The following ZPBP2 variants were observed in gnomAD, a reference collection of about 807,000 sequenced individuals.
ZPBP2 encodes the protein zona pellucida binding protein 2.
In ZPBP2, 34 loss-of-function variants were observed where a neutral mutation model predicts 37.5. That is an observed-to-expected ratio of 0.91 (90% CI 0.69 to 1.21). The LOEUF (loss-of-function observed/expected upper bound fraction) is 1.21. Among genes scored for constraint, ZPBP2 ranks in the 50% most tolerant of loss-of-function variants. ZPBP2 has a pLI of 0.00. For synonymous variants in ZPBP2, 143 were observed against 138.4 expected (o/e 1.03, Z -0.23); for missense variants, 397 against 413.5 (o/e 0.96, Z 0.35).
chr17:39,869,405 C>CCTTT (rs1555647284), intron 2 of ZPBP2, among the ~76,000 whole-genome samples: 3 of 115,134 alleles, frequency 2.6e-5, no homozygotes, highest in East Asian at 2.3e-4. Flanking sequence ...TTCCTTCCTT[C>CCTTT]TTTTTTTTTT....
In ZPBP2 at chr17:39,877,178, A is replaced by T. The variant is rs1221505543; in HGVS notation, c.*369A>T. On this transcript the variant is annotated 3_prime_UTR_variant, in exon 8 of 8. Coordinates refer to ENST00000348931, the MANE Select transcript of ZPBP2 (RefSeq NM_199321.3). ...ATTTGTTTGGAATCACTCTTGTGTG[A>T]TATAAAGGCGTGTATATTATCTTTG... 1 of 160,648 alleles carries T rather than the reference A, an allele frequency of 6.2e-6. No individual in the cohort carries two copies. The highest frequency in any genetic ancestry group is 1.4e-5 in the Non-Finnish European group (1 of 72,612). 10.0% of individuals were successfully genotyped at this position (160,648 alleles called of 1,614,324 possible).
rs371561983 is a variant in ZPBP2 at position 39,873,070 on chromosome 17, G to T, written c.652G>T (p.Gly218Cys). The change falls in exon 6 of 8, where the codon GGT becomes TGT. Residue 218 changes from glycine to cysteine, a missense_variant. By Grantham distance (159) the Gly-to-Cys change is radical (BLOSUM62 -3). Coordinates refer to ENST00000348931, the MANE Select transcript of ZPBP2 (RefSeq NM_199321.3). ...TAATCCTTTTGCGCCGGGGTGGAAA[G>T]GTGCTTGCAATGGATCTGTTGACTG... The part of the protein sequence containing the change: ...QVNPFAPGWK[G>C]ACNGSVDCED... The T allele has an allele frequency of 8.1e-6, 13 of 1,612,056 alleles. No individual in the cohort carries two copies. Among genetic ancestry groups the T allele is most frequent in the Non-Finnish European group, 1.1e-5 (13 of 1,179,172 alleles).
Position 39,875,830 on chromosome 17 carries a change from C to A in ZPBP2, c.889+396C>A, listed in dbSNP as rs2063387314. Among the ~76,000 whole-genome samples the A allele has an allele frequency of 2.0e-5, 3 of 149,458 alleles. No individual in the cohort carries two copies. In the Admixed American group the frequency reaches 2.0e-4, roughly 10 times the overall value. On this transcript the variant is annotated intron_variant, in intron 7 of 7. Coordinates refer to ENST00000348931, the MANE Select transcript of ZPBP2 (RefSeq NM_199321.3). ...CTCCTGACCTCAAAGGATCCGTCTG[C>A]CTTGGCTTCCGAAAGTGCTGGGATT... is the stretch of plus-strand genomic sequence containing the variant.
At chr17:39,873,195 C>G in intron 6 of ZPBP2, 69 bp downstream of exon 6, 1 of 1,468,226 alleles carries the variant, frequency 6.8e-7, no homozygotes, top group South Asian at 1.3e-5. Flanking sequence ...GTCACCCAGG[C>G]TGGAGTGCAG....
intron 2 of ZPBP2, among the ~76,000 whole-genome samples, chr17:39,869,881 T>G (rs1160236995): frequency 1.3e-5 from 2 of 150,884 alleles, no homozygotes; most frequent in Non-Finnish European, 3.0e-5. Flanking sequence ...CCTGGCAAAT[T>G]TTTTTGTATT....
At chr17:39,873,219 G>A in intron 6 of ZPBP2, 93 bp downstream of exon 6, 1 of 1,033,902 alleles carries the variant, frequency 9.7e-7, no homozygotes. Flanking sequence ...TGCGACCATA[G>A]CTCACTGCAG....
chr17:39,874,229 G>A (rs2063379092), intron 6 of ZPBP2, among the ~76,000 whole-genome samples: 1 of 151,968 alleles, frequency 6.6e-6, no homozygotes, highest in East Asian at 1.9e-4. Flanking sequence ...CTGACCTCAA[G>A]TCATCTGCAC....
Position 39,872,339 on chromosome 17 carries a change from AC to A in ZPBP2, c.477del (p.Tyr159Ter), listed in dbSNP as rs2063368902. On this transcript the variant is annotated frameshift_variant, in exon 5 of 8. Transcript: ENST00000348931. LOFTEE classifies it high-confidence loss of function. ...ACCACAAGGTCTTGTATAGGGAGAT[AC>A]AATGATGTATTCTTTAGAGTGCTGA... ...RFTTRSCIGR[Y>X]NDVFFRVLKK... The A allele has an allele frequency of 6.2e-7, 1 of 1,613,528 alleles. No homozygotes were observed. Among genetic ancestry groups the A allele is most frequent in the Non-Finnish European group, 8.5e-7 (1 of 1,179,752 alleles).
chr17:39,871,496 C>G lies in ZPBP2; in HGVS notation c.277C>G (p.Gln93Glu), dbSNP rs377545293. The G allele has an allele frequency of 3.7e-5, 59 of 1,600,842 alleles. No individual in the cohort carries two copies. Among genetic ancestry groups the G allele is most frequent in the Middle Eastern group, 1.7e-4 (1 of 5,960 alleles). The change falls in exon 4 of 8, where the codon CAG (glutamine) becomes GAG (glutamate). Residue 93 changes from glutamine to glutamate, a missense_variant. Transcript: ENST00000348931. ...TAGAATAAATATAACTGAAACTGGA[C>G]AGCTGATGGTGAAAGATTTTTTGGA... ...NNRINITETGQLMVKDFLEPL... is the reference protein window; with the variant it reads ...NNRINITETGELMVKDFLEPL...
chr17:39,873,114 T>G lies in ZPBP2; in HGVS notation c.696T>G (p.His232Gln). The change falls in exon 6 of 8, where the codon CAT becomes CAG. Residue 232 changes from histidine to glutamine, a missense_variant. Coordinates refer to ENST00000348931, the MANE Select transcript of ZPBP2 (RefSeq NM_199321.3). ...GSVDCEDTTN[H>Q]NILQARDRIE... ...TTGACTGTGAAGATACCACTAATCA[T>G]AATATCCTCCAGGTGAGAATTTCAT... The G allele has an allele frequency of 6.2e-7, 1 of 1,609,276 alleles. No individual in the cohort carries two copies. The highest frequency in any genetic ancestry group is 8.5e-7 in the Non-Finnish European group (1 of 1,178,200).
intron 7 of ZPBP2, among the ~76,000 whole-genome samples, chr17:39,875,659 C>T (rs560779994): frequency 4.0e-5 from 6 of 150,272 alleles, no homozygotes; most frequent in South Asian, 2.1e-4. Context: ...AGTGCAGTGG[C>T]GTCATCTGAG....
intron 7 of ZPBP2, among the ~76,000 whole-genome samples, chr17:39,875,883 CTTTTTTTTTTTTT>C (rs34192567): frequency 9.4e-5 from 6 of 63,770 alleles, no homozygotes; most frequent in African/African-American, 2.1e-4. Context: ...TGCTTGGCCC[CTTTTTTTTTTTTT>C]TTTTTTTTTT....
At position 39,876,870 on chromosome 17, in the gene ZPBP2, A is replaced by G. The variant is rs1183104256; in HGVS notation, c.*61A>G. 1.9e-6 allele frequency: 3 copies of G among 1,597,452 alleles called. No homozygotes were observed. The highest frequency in any genetic ancestry group is 2.3e-5 in the East Asian group (1 of 44,336). Reference sequence around the variant, plus strand: ...GGACATAAGATGATTTTCACATCCCAGAGCATCATAGATAGTTCCATTAAG... The same window carrying G: ...GGACATAAGATGATTTTCACATCCCGGAGCATCATAGATAGTTCCATTAAG... On this transcript the variant is annotated 3_prime_UTR_variant, in exon 8 of 8. Coordinates refer to ENST00000348931, the MANE Select transcript of ZPBP2 (RefSeq NM_199321.3).
chr17:39,873,408 A>G (rs1798017028), intron 6 of ZPBP2, among the ~76,000 whole-genome samples: 1 of 152,238 alleles, frequency 6.6e-6, no homozygotes, highest in African/African-American at 2.4e-5. Flanking sequence ...CTAAGGAGGA[A>G]AAATTATTTT....
chr17:39,872,187 C>A, intron 4 of ZPBP2, 83 bp from the exon 5 acceptor site: 1 of 1,042,892 alleles, frequency 9.6e-7, no homozygotes, highest in Non-Finnish European at 1.4e-6. Context: ...TTTAGTATTA[C>A]ATAGTATTTG....
intron 4 of ZPBP2, 37 bp from the exon 5 acceptor site, chr17:39,872,233 G>A (rs1279240834): frequency 6.6e-6 from 10 of 1,505,218 alleles, no homozygotes; most frequent in East Asian, 2.3e-5. Context: ...TGCTAGGTAC[G>A]ATTGTTTTCA....
chr17:39,876,609 A>G, intron 7 of ZPBP2, 73 bp from the exon 8 acceptor site: 4 of 1,545,380 alleles, frequency 2.6e-6, no homozygotes, highest in Non-Finnish European at 3.5e-6. Flanking sequence ...TATTGTTGGT[A>G]TAGAATACCT....
At chr17:39,868,912 A>T (rs2063348755) in intron 2 of ZPBP2, among the ~76,000 whole-genome samples, 1 of 152,162 alleles carries the variant, frequency 6.6e-6, no homozygotes, top group African/African-American at 2.4e-5. Flanking sequence ...CGGGAAACCC[A>T]CGCAAAGGAG....
Position 39,877,027 on chromosome 17 carries a change from G to A in ZPBP2, c.*218G>A. ...TACAAAGGAAACTTGAAGTTTTAAT[G>A]GATTATTTTTAATGAAATGTTTTAT... is the stretch of plus-strand genomic sequence containing the variant. On this transcript the variant is annotated 3_prime_UTR_variant, in exon 8 of 8. Transcript: ENST00000348931. 2.4e-6 allele frequency: 1 copy of A among 419,136 alleles called. No homozygotes were observed. The allele number at this position is 419,136 out of a possible 1,614,324, so 26.0% of individuals were successfully genotyped here.
Sources: gnomAD v4.1 joint callset for allele counts (sites outside exome capture counted in the v4.1 genomes callset) on GRCh38, gnomAD v4.1.1 for gene constraint, MANE v1.5 for transcripts, NCBI Gene and HGNC (gene_info 2026-07-23, HGNC 2026-07-21) for gene names.